Variants in BHLHE41 observed in about 807,000 individuals in gnomAD.
BHLHE41 encodes the protein basic helix-loop-helix family member e41, also known as class E basic helix-loop-helix protein 41.
A neutral mutation model predicts 24.0 loss-of-function variants in BHLHE41; 14 were observed. The observed-to-expected ratio is 0.58, with a 90% CI of 0.39 to 0.91. The LOEUF is 0.91. BHLHE41 is among the 40% of genes least tolerant of loss of function. BHLHE41 has a pLI of 0.00. For missense variants in BHLHE41, 674 were observed against 655.4 expected (o/e 1.03, Z -0.31); for synonymous variants, 394 against 315.5 (o/e 1.25, Z -2.64).
rs1390639061 is a variant in BHLHE41 at position 26,122,315 on chromosome 12, T to TGCC, written c.1197_1199dup (p.Ala411dup). Reference sequence around the variant, plus strand: ...CGGCGGCGGCAGCGGCGGCGGCGGCTGCCGCGGCTGCCGCCGGGGCGGGGA... The same window carrying TGCC: ...CGGCGGCGGCAGCGGCGGCGGCGGCTGCCGCCGCGGCTGCCGCCGGGGCGGGGA... On this transcript the variant is annotated inframe_insertion, in exon 5 of 5. Transcript: ENST00000242728. The TGCC allele has an allele frequency of 8.8e-7, 1 of 1,142,126 alleles. No homozygotes were observed. The highest frequency in any genetic ancestry group is 1.1e-6 in the Non-Finnish European group (1 of 935,226). 70.7% of individuals were successfully genotyped at this position (1,142,126 alleles called of 1,614,324 possible).
rs1031920029 is a variant in BHLHE41 at position 26,124,886 on chromosome 12, T to C, written c.-107A>G. The C allele has an allele frequency of 3.7e-6, 4 of 1,067,430 alleles. No individual in the cohort carries two copies. Among genetic ancestry groups the C allele is most frequent in the Middle Eastern group, 2.2e-4 (1 of 4,642 alleles). The allele number at this position is 1,067,430 out of a possible 1,614,324, so 66.1% of individuals were successfully genotyped here. On this transcript the variant is annotated 5_prime_UTR_variant, in exon 1 of 5. Transcript: ENST00000242728. ...TGGGGGGATCTGTGCGTCTCCAGTC[T>C]CTCTCTCGCTCTCCCTCTTCAGTGC...
chr12:26,124,800 C>G lies in BHLHE41; in HGVS notation c.-21G>C. On this transcript the variant is annotated 5_prime_UTR_variant, in exon 1 of 5. Transcript: ENST00000242728. ...TCCATGTTCAACTGCTGTTCGTTTC[C>G]TCTGTTTCGATTTTTGGGGCTCTGT... is the stretch of plus-strand genomic sequence containing the variant. The G allele has an allele frequency of 6.2e-7, 1 of 1,614,022 alleles. No individual in the cohort carries two copies.
At chr12:26,123,331 G>A (rs937501839) in intron 4 of BHLHE41, among the ~76,000 whole-genome samples, 163 bp from the exon 5 acceptor site, 1 of 152,160 alleles carries the variant, frequency 6.6e-6, no homozygotes, top group Non-Finnish European at 1.5e-5. Flanking sequence ...GACGAGAGAA[G>A]CGGGGTGGCG....
At position 26,122,653 on chromosome 12, in the gene BHLHE41, C is replaced by T. The variant is rs529390143; in HGVS notation, c.862G>A (p.Gly288Ser). 83 of 1,366,954 alleles carry T rather than the reference C, an allele frequency of 6.1e-5. No individual in the cohort carries two copies. The African/African-American group carries it at 1.1e-3, about 18-fold the overall frequency. The allele number at this position is 1,366,954 out of a possible 1,614,324, so 84.7% of individuals were successfully genotyped here. ...KRMKLDSRGG[G>S]SGGGPGGGAA... ...CCGCCCCCCGGGCCGCCGCCGCTGC[C>T]GCCGCCGCGGGAATCCAGCTTCATC... Residue 288 changes from glycine to serine, a missense_variant, in exon 5 of 5, where the codon GGC becomes AGC. Transcript: ENST00000242728.
chr12:26,124,253 G>GGGGGGGGC, intron 2 of BHLHE41, 74 bp from the exon 3 acceptor site: 1 of 785,900 alleles, frequency 1.3e-6, no homozygotes, highest in East Asian at 2.8e-5. Context: ...ACCCTCGTCT[G>GGGGGGGGC]CCCCCCCCGC....
Position 26,121,897 on chromosome 12 carries a change from T to C in BHLHE41, c.*169A>G. On this transcript the variant is annotated 3_prime_UTR_variant, in exon 5 of 5. Transcript: ENST00000242728. ...ATGAGCAAAACAGGAACTCCGAATG[T>C]ACACATAACACCTGTTTTGTTGTTC... 1 of 1,503,124 alleles carries C rather than the reference T, an allele frequency of 6.7e-7. No individual in the cohort carries two copies. The highest frequency in any genetic ancestry group is 8.9e-7 in the Non-Finnish European group (1 of 1,123,338). The allele number at this position is 1,503,124 out of a possible 1,614,324, so 93.1% of individuals were successfully genotyped here.
rs1338851022 is a variant in BHLHE41, at chr12:26,121,932, C to T, written c.*134G>A. The T allele has an allele frequency of 3.9e-6, 6 of 1,533,360 alleles. No individual in the cohort carries two copies. The highest frequency in any genetic ancestry group is 2.8e-5 in the African/African-American group (2 of 72,402). 95.0% of individuals were successfully genotyped at this position (1,533,360 alleles called of 1,614,324 possible). On this transcript the variant is annotated 3_prime_UTR_variant, in exon 5 of 5. Coordinates refer to ENST00000242728, the MANE Select transcript of BHLHE41 (RefSeq NM_030762.3). Reference sequence around the variant, plus strand: ...ACCTGTTTTGTTGTTCTTGTTTATGCCTGTCGTGCATCTATTACACTTCCT... The same window carrying T: ...ACCTGTTTTGTTGTTCTTGTTTATGTCTGTCGTGCATCTATTACACTTCCT...
chr12:26,123,385 C>T (rs567918709), intron 4 of BHLHE41, among the ~76,000 whole-genome samples: 59 of 152,320 alleles, frequency 3.9e-4, no homozygotes, highest in Non-Finnish European at 6.3e-4. Flanking sequence ...CAGCTGAAAA[C>T]CAAAGTGGAG....
intron 4 of BHLHE41, 26 bp downstream of exon 4, chr12:26,123,604 A>G (rs768367787): frequency 1.4e-5 from 21 of 1,516,158 alleles, no homozygotes; most frequent in Admixed American, 6.7e-5. Context: ...TCATCAGGGT[A>G]GGCTGGCCTC....
rs1944313971 is a variant in BHLHE41 at position 26,122,264 on chromosome 12, C to T, written c.1251G>A (p.Ser417=). 8.1e-7 allele frequency: 1 copy of T among 1,228,024 alleles called. No homozygotes were observed. Among genetic ancestry groups the T allele is most frequent in the Admixed American group, 4.4e-5 (1 of 22,866 alleles). 76.1% of individuals were successfully genotyped at this position (1,228,024 alleles called of 1,614,324 possible). ...CCTTCTCGGGAGGGGGCGACAACACCGAGGACAGGCAGGGGAACGCGGCGG... is the reference window on the plus strand; with the variant it reads ...CCTTCTCGGGAGGGGGCGACAACACTGAGGACAGGCAGGGGAACGCGGCGG... ...AAAAAFPCLS[S]VLSPPPEKAG... The change falls in exon 5 of 5, where the codon TCG becomes TCA. Residue 417 remains serine, a synonymous_variant. Transcript: ENST00000242728.
chr12:26,123,214 A>T, intron 4 of BHLHE41, 46 bp from the exon 5 acceptor site: 1 of 1,528,654 alleles, frequency 6.5e-7, no homozygotes, highest in Admixed American at 2.0e-5. Context: ...GAGTGGAGGC[A>T]AGAAGAAACA....
rs1416712507 is a variant in BHLHE41, at chr12:26,124,617, G to A, written c.63-35C>T. ...AGAAATCAGCATCAGGCACCCATTC[G>A]GGGAGGGGCTCTGCCCTCGCCAGCT... On this transcript the variant is annotated intron_variant, in intron 1 of 4. Coordinates refer to ENST00000242728, the MANE Select transcript of BHLHE41 (RefSeq NM_030762.3). 5 of 1,613,264 alleles carry A rather than the reference G, an allele frequency of 3.1e-6. No homozygotes were observed. In the Admixed American group the frequency reaches 8.3e-5, roughly 27 times the overall value.
chr12:26,122,313 G>C lies in BHLHE41; in HGVS notation c.1202C>G (p.Ala401Gly). ...GGCGGCGGCGGCAGCGGCGGCGGCGGCTGCCGCGGCTGCCGCCGGGGCGGG... is the reference window on the plus strand; with the variant it reads ...GGCGGCGGCGGCAGCGGCGGCGGCGCCTGCCGCGGCTGCCGCCGGGGCGGG... ...GIPAPAAAAA[A>G]AAAAAAAAAA... The change falls in exon 5 of 5, where the codon GCC (alanine) becomes GGC (glycine). Residue 401 changes from alanine to glycine, a missense_variant. Physicochemically the swap from Ala to Gly is moderately conservative, Grantham distance 60. Transcript: ENST00000242728. 3.4e-6 allele frequency: 4 copies of C among 1,172,854 alleles called. No individual in the cohort carries two copies. The highest frequency in any genetic ancestry group is 8.4e-5 in the South Asian group (2 of 23,734). 72.7% of individuals were successfully genotyped at this position (1,172,854 alleles called of 1,614,324 possible).
Position 26,122,858 on chromosome 12 carries a change from G to A in BHLHE41, c.657C>T (p.Pro219=), listed in dbSNP as rs758813683. ...CGCTGGGCTGAGTCCGCTGGATGACGGGCACGCAGTAGGCGAGGGGCTCCA... is the reference window on the plus strand; with the variant it reads ...CGCTGGGCTGAGTCCGCTGGATGACAGGCACGCAGTAGGCGAGGGGCTCCA... ...QKLEPLAYCV[P]VIQRTQPSAE... The change falls in exon 5 of 5, where the codon CCC becomes CCT. Residue 219 remains proline, a synonymous_variant. Transcript: ENST00000242728. 4 of 1,569,256 alleles carry A rather than the reference G, an allele frequency of 2.5e-6. No individual in the cohort carries two copies. Among genetic ancestry groups the A allele is most frequent in the Non-Finnish European group, 1.7e-6 (2 of 1,159,328 alleles).
At position 26,122,205 on chromosome 12, in the gene BHLHE41, T is replaced by C. The variant is rs767700203; in HGVS notation, c.1310A>G (p.Glu437Gly). ...GAAAATLLPHEVAPLGAPHPQ... is the reference protein window; with the variant it reads ...GAAAATLLPHGVAPLGAPHPQ... Reference sequence around the variant, plus strand: ...GTGCGGCGCCCCAAGGGGCGCCACCTCGTGCGGCAGGAGGGTCGCGGCGGC... The same window carrying C: ...GTGCGGCGCCCCAAGGGGCGCCACCCCGTGCGGCAGGAGGGTCGCGGCGGC... The change falls in exon 5 of 5, where the codon GAG (glutamate) becomes GGG (glycine). Residue 437 changes from glutamate (E) to glycine (G), a missense_variant. By Grantham distance (98) the Glu-to-Gly change is moderately conservative (BLOSUM62 -2). Coordinates refer to ENST00000242728, the MANE Select transcript of BHLHE41 (RefSeq NM_030762.3). The C allele has an allele frequency of 7.2e-7, 1 of 1,382,224 alleles. No individual in the cohort carries two copies. Among genetic ancestry groups the C allele is most frequent in the Non-Finnish European group, 9.3e-7 (1 of 1,070,598 alleles). The allele number at this position is 1,382,224 out of a possible 1,614,324, so 85.6% of individuals were successfully genotyped here. A position where few individuals can be genotyped will look rare whatever the true frequency, so the allele number is the denominator to read the frequency against.
Position 26,121,923 on chromosome 12 carries a change from T to G in BHLHE41, c.*143A>C. ...ACACATAACACCTGTTTTGTTGTTCTTGTTTATGCCTGTCGTGCATCTATT... is the reference window on the plus strand; with the variant it reads ...ACACATAACACCTGTTTTGTTGTTCGTGTTTATGCCTGTCGTGCATCTATT... On this transcript the variant is annotated 3_prime_UTR_variant, in exon 5 of 5. Transcript: ENST00000242728. 2 of 1,531,936 alleles carry G rather than the reference T, an allele frequency of 1.3e-6. No individual in the cohort carries two copies. Among genetic ancestry groups the G allele is most frequent in the Non-Finnish European group, 1.8e-6 (2 of 1,139,094 alleles). The allele number at this position is 1,531,936 out of a possible 1,614,324, so 94.9% of individuals were successfully genotyped here.
chr12:26,122,720 G>C lies in BHLHE41; in HGVS notation c.795C>G (p.Ile265Met). 6.3e-7 allele frequency: 1 copy of C among 1,590,720 alleles called. No individual in the cohort carries two copies. Among genetic ancestry groups the C allele is most frequent in the Non-Finnish European group, 8.5e-7 (1 of 1,173,172 alleles). Residue 265 changes from isoleucine to methionine, a missense_variant, in exon 5 of 5, where the codon ATC becomes ATG. By Grantham distance (10) the Ile-to-Met change is conservative (BLOSUM62 1). Transcript: ENST00000242728. ...GKGAGASRVT[I>M]KQEPPGEDSP... ...AGTCCTCCCCGGGAGGCTCCTGCTTGATGGTGACGCGGCTCGCCCCCGCGC... is the reference window on the plus strand; with the variant it reads ...AGTCCTCCCCGGGAGGCTCCTGCTTCATGGTGACGCGGCTCGCCCCCGCGC...
rs1212539399 is a variant in BHLHE41 at position 26,123,172 on chromosome 12, G to A, written c.347-4C>T. On this transcript the variant is annotated splice_polypyrimidine_tract_variant and splice_region_variant and intron_variant, in intron 4 of 4. Coordinates refer to ENST00000242728, the MANE Select transcript of BHLHE41 (RefSeq NM_030762.3). ...GGCGATTTCAGAGATCGCTCCCCTA[G>A]GATGAGGAAGGGATGGGGGTGGGGG... The A allele has an allele frequency of 4.4e-6, 7 of 1,582,396 alleles. No homozygotes were observed. The highest frequency in any genetic ancestry group is 1.3e-5 in the African/African-American group (1 of 74,392).
chr12:26,120,473 C>A lies in BHLHE41; in HGVS notation c.*1593G>T, dbSNP rs769940914. On this transcript the variant is annotated 3_prime_UTR_variant, in exon 5 of 5. Coordinates refer to ENST00000242728, the MANE Select transcript of BHLHE41 (RefSeq NM_030762.3). Reference sequence around the variant, plus strand: ...AATTTAAGACAGCATAAGCTTGTACCAAGCATAAGCATTGTAACAAAAGTG... The same window carrying A: ...AATTTAAGACAGCATAAGCTTGTACAAAGCATAAGCATTGTAACAAAAGTG... 6.6e-6 allele frequency: 1 copy of A among 152,416 alleles called. No individual in the cohort carries two copies. Among genetic ancestry groups the A allele is most frequent in the Non-Finnish European group, 1.5e-5 (1 of 67,980 alleles). 9.4% of individuals were successfully genotyped at this position (152,416 alleles called of 1,614,324 possible).
Sources: gnomAD v4.1 joint callset for allele counts (sites outside exome capture counted in the v4.1 genomes callset) on GRCh38, gnomAD v4.1.1 for gene constraint, MANE v1.5 for transcripts, NCBI Gene and HGNC (gene_info 2026-07-23, HGNC 2026-07-21) for gene names.